The following ARMCX4 variants were observed in gnomAD, a reference collection of about 807,000 sequenced individuals.
ARMCX4 encodes the protein armadillo repeat-containing X-linked protein 4.
Under a neutral mutation model 34.7 loss-of-function variants are expected in ARMCX4, and 3 were observed. The observed-to-expected ratio is 0.09, with a 90% CI of 0.04 to 0.22. The LOEUF (loss-of-function observed/expected upper bound fraction) is 0.22. ARMCX4 is among the 10% of genes least tolerant of loss of function. The probability of loss-of-function intolerance (pLI) is 1.00; values close to 1 mark genes in which losing one functional copy is unlikely to be tolerated. For synonymous variants in ARMCX4, 513 were observed against 632.8 expected, an observed-to-expected ratio of 0.81 and a Z score of 2.84; for missense variants, 1,448 against 1,720.8, an observed-to-expected ratio of 0.84 and a Z score of 2.81.
chrX:101,519,517 A>C (rs782783915), intron 11 of ARMCX4, among the ~76,000 whole-genome samples: 2 of 111,615 alleles, frequency 1.8e-5, no homozygotes, highest in African/African-American at 3.2e-5. Flanking sequence ...CTTTTTAAAG[A>C]CTGAATAACA....
intron 4 of ARMCX4, among the ~76,000 whole-genome samples, chrX:101,469,378 T>G (rs1252856466): frequency 8.9e-6 from 1 of 111,955 alleles, no homozygotes; most frequent in Non-Finnish European, 1.9e-5. Flanking sequence ...TCAACATTTA[T>G]TGACAAGAAA....
chrX:101,439,187 A>G (rs1301490048), intron 2 of ARMCX4, among the ~76,000 whole-genome samples: 7 of 111,519 alleles, frequency 6.3e-5, no homozygotes, highest in Non-Finnish European at 1.1e-4. Context: ...ATCTCTCAGC[A>G]TTTGCTTGTC....
At chrX:101,482,969 C>G (rs1466991767), upstream of ARMCX4, among the ~76,000 whole-genome samples, 1 of 95,865 alleles carries the variant, frequency 1.0e-5, no homozygotes, top group Non-Finnish European at 2.0e-5. Flanking sequence ...GATCTAGGCT[C>G]ACTGCAACCT....
Position 101,487,964 on chromosome X carries a change from C to T in ARMCX4, c.-202-80C>T, listed in dbSNP as rs183054736. ...ATATGTCTGTCCCATCAAGAACAAACTCTCTACTCCCATCTGTCCCTCCAT... is the reference window on the plus strand; with the variant it reads ...ATATGTCTGTCCCATCAAGAACAAATTCTCTACTCCCATCTGTCCCTCCAT... On this transcript the variant is annotated intron_variant, in intron 4 of 5. Coordinates refer to ENST00000423738, the MANE Select transcript of ARMCX4 (RefSeq NM_001256155.3). The T allele has an allele frequency of 9.5e-5, 49 of 516,715 alleles. No individual in the cohort carries two copies. In the African/African-American group the frequency reaches 1.1e-3, roughly 12 times the overall value. The allele number at this position is 516,715 out of a possible 1,213,427, so 42.6% of individuals were successfully genotyped here.
At chrX:101,463,651 T>C (rs782730489) in intron 4 of ARMCX4, among the ~76,000 whole-genome samples, 2 of 112,157 alleles carry the variant, frequency 1.8e-5, no homozygotes, top group African/African-American at 6.5e-5. Context: ...AGCTTGGTAG[T>C]GATAATGAAC....
At chrX:101,460,701 TC>T (rs1389260473) in intron 4 of ARMCX4, among the ~76,000 whole-genome samples, 2 of 111,848 alleles carry the variant, frequency 1.8e-5, no homozygotes, top group Non-Finnish European at 3.8e-5. Context: ...TGGCAAAAAA[TC>T]AGTAAAGCTT....
chrX:101,439,479 A>G (rs1427739083), intron 2 of ARMCX4, among the ~76,000 whole-genome samples: 2 of 111,302 alleles, frequency 1.8e-5, no homozygotes, highest in Non-Finnish European at 3.8e-5. Context: ...CTTGAGGAGT[A>G]TCTTTGTGGC....
intron 11 of ARMCX4, chrX:101,524,283 T>C (rs1375241144): frequency 4.4e-5 from 5 of 112,624 alleles, no homozygotes; most frequent in African/African-American, 1.6e-4. Context: ...AAACCACCTC[T>C]AGGCACATCT....
In ARMCX4 at chrX:101,487,296, T is replaced by C. The variant is rs144789797; in HGVS notation, c.-287+24T>C. 4.3e-3 allele frequency: 598 copies of C among 138,957 alleles called. 6 individuals carry two copies. Among genetic ancestry groups the C allele is most frequent in the African/African-American group, 0.018 (547 of 31,089 alleles). 11.5% of individuals were successfully genotyped at this position (138,957 alleles called of 1,213,427 possible). On this transcript the variant is annotated intron_variant, in intron 3 of 5. Transcript: ENST00000423738. ...AGGTTGGTGTGAAGTGGGGGTAGTC[T>C]CTGGGGATGACAAGAGAGGGTGGGC...
intron 4 of ARMCX4, among the ~76,000 whole-genome samples, chrX:101,462,412 C>T (rs782472448): frequency 1.8e-4 from 20 of 110,783 alleles, no homozygotes; most frequent in Non-Finnish European, 3.0e-4. Context: ...GAGGCTGAAG[C>T]AGGCAGATCA....
intron 2 of ARMCX4, among the ~76,000 whole-genome samples, chrX:101,432,745 T>C (rs1302233557): frequency 1.5e-5 from 1 of 65,544 alleles, no homozygotes; most frequent in African/African-American, 4.2e-5. Flanking sequence ...TATACGTATA[T>C]ATATGTGTAT....
chrX:101,436,278 A>G (rs1228489887), intron 2 of ARMCX4, among the ~76,000 whole-genome samples: 1 of 111,249 alleles, frequency 9.0e-6, no homozygotes, highest in African/African-American at 3.3e-5. Context: ...ACCCATGAGC[A>G]TGGAATGTTC....
Position 101,490,374 on chromosome X carries a change from T to C in ARMCX4, c.1785T>C (p.Asn595=). The C allele has an allele frequency of 3.5e-6, 4 of 1,155,742 alleles. No individual in the cohort carries two copies. The highest frequency in any genetic ancestry group is 4.6e-6 in the Non-Finnish European group (4 of 872,886). The change falls in exon 6 of 6, where the codon AAT becomes AAC. Residue 595 remains asparagine (N), a synonymous_variant. Transcript: ENST00000423738. ...GTGGTCAGCCCCTGGTTGTGGCCAA[T>C]CCCCAGGGTGAGGCCTTGCCTGGTG... ...RVCGQPLVVA[N]PQGEALPGAK... is the part of the protein sequence containing the mutation.
rs1428283575 is a variant in ARMCX4 at position 101,492,539 on chromosome X, C to T, written c.3950C>T (p.Pro1317Leu). 5 of 1,137,583 alleles carry T rather than the reference C, an allele frequency of 4.4e-6. No individual in the cohort carries two copies. The highest frequency in any genetic ancestry group is 5.8e-6 in the Non-Finnish European group (5 of 864,516). The allele number at this position is 1,137,583 out of a possible 1,213,427, so 93.7% of individuals were successfully genotyped here. The change falls in exon 6 of 6, where the codon CCT (proline) becomes CTT (leucine). Residue 1317 changes from proline (P) to leucine (L), a missense_variant. Around this residue, in one of 2 missense-constraint regions of ARMCX4, gnomAD observed 1,343 missense variants for 1,540.7 expected, o/e 0.87. Transcript: ENST00000423738. ...TSDQSGGGSKPRFEDQASGEG... is the reference protein window; with the variant it reads ...TSDQSGGGSKLRFEDQASGEG... ...GATCAATCTGGTGGTGGGTCCAAGC[C>T]TAGATTTGAGGATCAAGCCAGTGGA...
At chrX:101,435,270 C>A (rs1425359492) in intron 2 of ARMCX4, among the ~76,000 whole-genome samples, 1 of 111,911 alleles carries the variant, frequency 8.9e-6, no homozygotes, top group Non-Finnish European at 1.9e-5. Flanking sequence ...TAAAAGTATT[C>A]CTATTTCTTC....
At chrX:101,430,471 C>T (rs782459845) in intron 2 of ARMCX4, among the ~76,000 whole-genome samples, 3 of 112,291 alleles carry the variant, frequency 2.7e-5, no homozygotes, top group Non-Finnish European at 5.6e-5. Flanking sequence ...GTTTCTAGAC[C>T]GCCACTCAGC....
intron 4 of ARMCX4, among the ~76,000 whole-genome samples, chrX:101,455,160 C>T (rs1555999957): frequency 9.0e-6 from 1 of 111,496 alleles, no homozygotes; most frequent in Non-Finnish European, 1.9e-5. Flanking sequence ...TGAGAGGATT[C>T]CAGGTAGAAG....
chrX:101,485,867 G>T (rs1171600916), intron 1 of ARMCX4, among the ~76,000 whole-genome samples, 156 bp from the exon 2 acceptor site: 1 of 111,799 alleles, frequency 8.9e-6, no homozygotes, highest in Non-Finnish European at 1.9e-5. Flanking sequence ...GGGCCTTAGA[G>T]ACTGGACGGT....
chrX:101,490,034 C>T lies in ARMCX4; in HGVS notation c.1445C>T (p.Ala482Val), dbSNP rs781788888. The change falls in exon 6 of 6, where the codon GCT becomes GTT. Residue 482 changes from alanine (A) to valine (V), a missense_variant. By Grantham distance (64) the Ala-to-Val change is moderately conservative. Coordinates refer to ENST00000423738, the MANE Select transcript of ARMCX4 (RefSeq NM_001256155.3). ...CCTCAGCTTGTGGCCAGTGTTCAGG[C>T]TGATACCTTGTCTGATGGCAAAATT... ...TQPQLVASVQ[A>V]DTLSDGKIKV... The T allele has an allele frequency of 6.2e-5, 71 of 1,154,278 alleles. 1 individual carries two copies. In the East Asian group the frequency reaches 2.1e-3, roughly 34 times the overall value.
Sources: allele counts gnomAD v4.1 joint callset (sites outside exome capture counted in the v4.1 genomes callset), GRCh38; gene constraint gnomAD v4.1.1; regional missense constraint gnomAD v4.1.1; transcripts MANE v1.5; gene names NCBI Gene and HGNC (gene_info 2026-07-23, HGNC 2026-07-21).